Variants in KIF13B observed in about 807,000 individuals in gnomAD.
KIF13B encodes kinesin family member 13B.
A neutral mutation model predicts 222.0 loss-of-function variants in KIF13B; 127 were observed. That is an observed-to-expected ratio of 0.57 (90% confidence interval 0.50 to 0.66). The LOEUF is 0.66. Ranked by LOEUF, KIF13B falls within the 30% of genes least tolerant of loss-of-function variation. KIF13B has a pLI of 0.00. For missense variants in KIF13B, 2,173 were observed against 2,379.0 expected, an observed-to-expected ratio of 0.91 and a Z score of 1.80; for synonymous variants, 976 against 919.0, an observed-to-expected ratio of 1.06 and a Z score of -1.12.
chr8:29,073,306 A>T (rs1339811077), intron 38 of KIF13B, among the ~76,000 whole-genome samples: 1 of 152,156 alleles, frequency 6.6e-6, no homozygotes, highest in African/African-American at 2.4e-5. Flanking sequence ...GCCCCCAGGG[A>T]GAAGCCACCA....
At chr8:29,118,514 A>G (rs1809707829) in intron 30 of KIF13B, among the ~76,000 whole-genome samples, 1 of 151,982 alleles carries the variant, frequency 6.6e-6, no homozygotes, top group Non-Finnish European at 1.5e-5. Context: ...ACAAAACAAA[A>G]AAATCCCAAA....
intron 5 of KIF13B, among the ~76,000 whole-genome samples, 161 bp downstream of exon 5, chr8:29,188,354 T>A (rs1813031545): frequency 6.6e-6 from 1 of 152,240 alleles, no homozygotes; most frequent in Admixed American, 6.5e-5. Flanking sequence ...TTTATTACAC[T>A]CATTTTAAAA....
intron 13 of KIF13B, among the ~76,000 whole-genome samples, chr8:29,156,073 A>G (rs1811512159): frequency 6.6e-6 from 1 of 152,038 alleles, no homozygotes; most frequent in South Asian, 2.1e-4. Flanking sequence ...GGTTCAAGCG[A>G]TTCTCCTGCC....
At chr8:29,133,946 AACGGC>A in intron 22 of KIF13B, 89 bp downstream of exon 22, 1 of 1,228,222 alleles carries the variant, frequency 8.1e-7, no homozygotes, top group East Asian at 2.5e-5. Flanking sequence ...CAAGACATAT[AACGGC>A]ACATTTAGTC....
At chr8:29,260,556 C>T (rs1816641639) in intron 1 of KIF13B, among the ~76,000 whole-genome samples, 2 of 151,814 alleles carry the variant, frequency 1.3e-5, no homozygotes, top group African/African-American at 4.8e-5. Context: ...TGGAAAGGTT[C>T]CTACAGATCA....
chr8:29,213,713 C>G (rs1814338664), intron 2 of KIF13B, among the ~76,000 whole-genome samples: 1 of 152,000 alleles, frequency 6.6e-6, no homozygotes, highest in Admixed American at 6.6e-5. Flanking sequence ...CTTTGGGAGG[C>G]TGAGGCGGGT....
At chr8:29,181,689 T>G (rs1812719403) in intron 7 of KIF13B, among the ~76,000 whole-genome samples, 1 of 152,230 alleles carries the variant, frequency 6.6e-6, no homozygotes, top group African/African-American at 2.4e-5. Context: ...CAAACCCACT[T>G]TAGATTCACT....
intron 6 of KIF13B, among the ~76,000 whole-genome samples, chr8:29,185,799 G>A (rs980396765): frequency 3.3e-5 from 5 of 152,194 alleles, no homozygotes; most frequent in East Asian, 1.9e-4. Flanking sequence ...CCACTGTTGC[G>A]CTTCCTTAAA....
At chr8:29,206,183 C>T (rs1404332996) in intron 2 of KIF13B, among the ~76,000 whole-genome samples, 5 of 150,256 alleles carry the variant, frequency 3.3e-5, no homozygotes, top group Middle Eastern at 3.6e-3. Flanking sequence ...CCAGCACTTT[C>T]GGAGGCCAAG....
chr8:29,219,829 A>T (rs1373769980), intron 2 of KIF13B, among the ~76,000 whole-genome samples: 1 of 151,796 alleles, frequency 6.6e-6, no homozygotes, highest in East Asian at 1.9e-4. Context: ...GTGGGAGGCC[A>T]AGGCAGGCAG....
chr8:29,167,691 C>G, intron 10 of KIF13B, 106 bp from the exon 11 acceptor site: 1 of 856,256 alleles, frequency 1.2e-6, no homozygotes, highest in Non-Finnish European at 1.9e-6. Context: ...AGGTCAAACA[C>G]ATTCAATGAC....
In KIF13B at chr8:29,071,693, G is replaced by A. The variant is rs1289286681; in HGVS notation, c.5145C>T (p.Gly1715=). 3.2e-6 allele frequency: 5 copies of A among 1,552,784 alleles called. No individual in the cohort carries two copies. The highest frequency in any genetic ancestry group is 3.5e-6 in the Non-Finnish European group (4 of 1,148,300). ...CGGCAGGCCCCACGTATCTCACCAC[G>A]CCCGTTTTGTGGGCGCCCACGGTGA... ...EFVTVGAHKT[G]VVRYVGPADF... Residue 1715 remains glycine (G), a synonymous_variant, in exon 39 of 40, where the codon GGC becomes GGT. Coordinates refer to ENST00000524189, the MANE Select transcript of KIF13B (RefSeq NM_015254.4). This position sits in a 1 kb window ranked among gnomAD's most constrained non-coding sequence, Gnocchi z 4.9.
At chr8:29,240,859 GGGAATGTAAAACGGTGC>G (rs1815745337) in intron 2 of KIF13B, among the ~76,000 whole-genome samples, 1 of 152,168 alleles carries the variant, frequency 6.6e-6, no homozygotes, top group Non-Finnish European at 1.5e-5. Context: ...CATTGCTGGT[GGGAATGTAAAACGGTGC>G]GGCAGCTTTG....
rs1331238360 is a variant in KIF13B at position 29,099,328 on chromosome 8, G to A, written c.4216-87C>T. 6 of 846,644 alleles carry A rather than the reference G, an allele frequency of 7.1e-6. No individual in the cohort carries two copies. In the East Asian group the frequency reaches 1.5e-4, roughly 21 times the overall value. 52.4% of individuals were successfully genotyped at this position (846,644 alleles called of 1,614,324 possible). The stretch of plus-strand genomic sequence containing the variant: ...TTACAGATACTCAAGAAAAAAAACT[G>A]TTATATATTACTAAAGCTCCTTTGA... On this transcript the variant is annotated intron_variant, in intron 35 of 39. Transcript: ENST00000524189.
At position 29,138,420 on chromosome 8, in the gene KIF13B, G is replaced by C. The variant is rs549211289; in HGVS notation, c.2613+1643C>G. 3 of 152,060 alleles carry C rather than the reference G, an allele frequency of 2.0e-5. No homozygotes were observed. In the East Asian group the frequency reaches 5.8e-4, roughly 29 times the overall value. The allele number at this position is 152,060 out of a possible 1,614,324, so 9.4% of individuals were successfully genotyped here. A position where few individuals can be genotyped will look rare whatever the true frequency, so the allele number is the denominator to read the frequency against. On this transcript the variant is annotated intron_variant, in intron 21 of 39. Transcript: ENST00000524189. ...CTTTTCTATACAAATTATCTCTGTA[G>C]AGCAAAACAGTTGTTAATAGGAAGA...
chr8:29,095,702 G>A (rs1460652915), intron 36 of KIF13B, among the ~76,000 whole-genome samples: 1 of 152,196 alleles, frequency 6.6e-6, no homozygotes, highest in Non-Finnish European at 1.5e-5. Flanking sequence ...GGGAGGCAGA[G>A]GTTGTGGTGA....
At chr8:29,074,649 C>G (rs551497064) in intron 38 of KIF13B, among the ~76,000 whole-genome samples, 16 of 152,354 alleles carry the variant, frequency 1.1e-4, no homozygotes, top group African/African-American at 3.8e-4. Flanking sequence ...ACCCCGATCC[C>G]GGCCACAGCA....
At chr8:29,168,776 C>CTGA (rs1295175026) in intron 10 of KIF13B, among the ~76,000 whole-genome samples, 7 of 152,120 alleles carry the variant, frequency 4.6e-5, no homozygotes, top group Non-Finnish European at 1.0e-4. Flanking sequence ...GTGAAACAAC[C>CTGA]CGGCTAGAGC....
chr8:29,114,980 T>G (rs1809527611), intron 31 of KIF13B, among the ~76,000 whole-genome samples: 1 of 152,190 alleles, frequency 6.6e-6, no homozygotes. Flanking sequence ...AGAGAGTGAA[T>G]GGGTGCATAC....
Sources: allele counts gnomAD v4.1 joint callset (sites outside exome capture counted in the v4.1 genomes callset), GRCh38; gene constraint gnomAD v4.1.1; non-coding constraint Gnocchi (gnomAD v3.1); transcripts MANE v1.5; gene names NCBI Gene and HGNC (gene_info 2026-07-23, HGNC 2026-07-21).